The following GXYLT2 variants were observed in gnomAD, a reference collection of about 807,000 sequenced individuals.
The protein encoded by GXYLT2 is glucoside xylosyltransferase 2, also known as glycosyltransferase 8 domain containing 4.
GXYLT2 carries 53 observed loss-of-function variants against 45.8 expected under a neutral mutation model. The ratio of observed to expected loss-of-function variants is 1.16; its 90% CI spans 0.93 to 1.46. GXYLT2 has a LOEUF of 1.46. Among genes scored for constraint, GXYLT2 ranks in the 40% most tolerant of loss-of-function variants. GXYLT2 has a pLI of 0.00. For synonymous variants in GXYLT2, 219 were observed against 214.2 expected, an observed-to-expected ratio of 1.02 and a Z score of -0.19; for missense variants, 551 against 544.4, an observed-to-expected ratio of 1.01 and a Z score of -0.12.
At chr3:72,949,878 C>A (rs1210165714) in intron 3 of GXYLT2, among the ~76,000 whole-genome samples, 3 of 152,126 alleles carry the variant, frequency 2.0e-5, no homozygotes, top group Non-Finnish European at 4.4e-5. Context: ...GTCAGGAAAC[C>A]TAGCCCTCAT....
chr3:72,944,732 A>T (rs769984555), intron 3 of GXYLT2, among the ~76,000 whole-genome samples: 5 of 152,012 alleles, frequency 3.3e-5, no homozygotes, highest in Non-Finnish European at 7.4e-5. Flanking sequence ...TCTGAAATTC[A>T]CTTCTGCTTG....
intron 1 of GXYLT2, among the ~76,000 whole-genome samples, 162 bp downstream of exon 1, chr3:72,888,670 C>CT (rs918984237): frequency 2.6e-5 from 4 of 152,142 alleles, no homozygotes; most frequent in African/African-American, 9.7e-5. Flanking sequence ...GAAGACCCAC[C>CT]TTGGTGGAGT....
At chr3:72,950,753 C>T (rs6807538) in intron 3 of GXYLT2, among the ~76,000 whole-genome samples, 35,381 of 152,120 alleles carry the variant, frequency 0.23, 4,715 homozygotes, top group South Asian at 0.37. Flanking sequence ...TACTGTCAAA[C>T]TCAGACTAGA....
At chr3:72,933,961 A>C (rs1710128521) in intron 3 of GXYLT2, among the ~76,000 whole-genome samples, 1 of 152,202 alleles carries the variant, frequency 6.6e-6, no homozygotes. Context: ...TCTCAGAATG[A>C]AAGAGGAGCT....
At chr3:72,894,226 A>C (rs1345213666) in intron 1 of GXYLT2, among the ~76,000 whole-genome samples, 2 of 152,216 alleles carry the variant, frequency 1.3e-5, no homozygotes, top group Non-Finnish European at 2.9e-5. Context: ...GAATCAAGGC[A>C]TCCTGAGGTC....
chr3:72,930,592 C>CTTTTTTTT lies in GXYLT2; in HGVS notation c.600+8269_600+8276dup, dbSNP rs71126806. On this transcript the variant is annotated intron_variant, in intron 3 of 6. Coordinates refer to ENST00000389617, the MANE Select transcript of GXYLT2 (RefSeq NM_001080393.2). The stretch of plus-strand genomic sequence containing the variant: ...TTTTCTTTTTCTTTTTCTTCTTCTT[C>CTTTTTTTT]TTTTTTTTTTTTTTTTTTTGACACA... Among the ~76,000 whole-genome samples, 58 of 101,598 alleles carry CTTTTTTTT rather than the reference C, an allele frequency of 5.7e-4. 1 individual carries two copies. The highest frequency in any genetic ancestry group is 1.3e-3 in the East Asian group (4 of 3,112). The allele number at this position is 101,598 out of a possible 152,430, so 66.7% of individuals were successfully genotyped here. A position where few individuals can be genotyped will look rare whatever the true frequency, so the allele number is the denominator to read the frequency against.
At chr3:72,892,378 T>C (rs962429020) in intron 1 of GXYLT2, among the ~76,000 whole-genome samples, 1 of 152,228 alleles carries the variant, frequency 6.6e-6, no homozygotes, top group African/African-American at 2.4e-5. Context: ...TATTGTTGTT[T>C]CTCTTAAAAT....
intron 2 of GXYLT2, among the ~76,000 whole-genome samples, chr3:72,920,854 C>T (rs896680006): frequency 9.4e-5 from 14 of 148,276 alleles, no homozygotes; most frequent in African/African-American, 2.8e-4. Context: ...TCACTCTGTC[C>T]GTCAGACTGG....
chr3:72,967,911 T>C (rs962693474), intron 6 of GXYLT2, among the ~76,000 whole-genome samples, 192 bp downstream of exon 6: 1 of 152,204 alleles, frequency 6.6e-6, no homozygotes, highest in African/African-American at 2.4e-5. Context: ...ACTTGACTTA[T>C]TTCCACGTAC....
At chr3:72,907,860 A>G (rs1204212272) in intron 1 of GXYLT2, among the ~76,000 whole-genome samples, 2 of 152,174 alleles carry the variant, frequency 1.3e-5, no homozygotes, top group Non-Finnish European at 2.9e-5. Flanking sequence ...CCAGACTTGC[A>G]TGACTTGCTT....
At chr3:72,968,328 A>G (rs1710908762) in intron 6 of GXYLT2, among the ~76,000 whole-genome samples, 1 of 152,208 alleles carries the variant, frequency 6.6e-6, no homozygotes, top group African/African-American at 2.4e-5. Flanking sequence ...GTGTAAGGTA[A>G]CACATAGGAT....
At chr3:72,894,467 C>T (rs1709244777) in intron 1 of GXYLT2, among the ~76,000 whole-genome samples, 2 of 152,196 alleles carry the variant, frequency 1.3e-5, no homozygotes, top group Admixed American at 6.5e-5. Flanking sequence ...GAGGTAGGTT[C>T]CTGAGCAAAA....
chr3:72,966,975 C>T (rs1710878240), intron 5 of GXYLT2, among the ~76,000 whole-genome samples: 1 of 152,006 alleles, frequency 6.6e-6, no homozygotes, highest in Non-Finnish European at 1.5e-5. Flanking sequence ...TGCTATGTTG[C>T]CCAAGCTGTT....
chr3:72,970,739 G>A (rs1296895697), intron 6 of GXYLT2, among the ~76,000 whole-genome samples: 1 of 151,992 alleles, frequency 6.6e-6, no homozygotes, highest in African/African-American at 2.4e-5. Context: ...GCGCATGCCT[G>A]TAATCCCAGC....
intron 1 of GXYLT2, among the ~76,000 whole-genome samples, chr3:72,896,404 C>T (rs1396675042): frequency 6.6e-6 from 1 of 151,680 alleles, no homozygotes; most frequent in Non-Finnish European, 1.5e-5. Context: ...GTGAGACACC[C>T]ATCTCTATTT....
chr3:72,890,703 G>A (rs1272714187), intron 1 of GXYLT2, among the ~76,000 whole-genome samples: 1 of 152,226 alleles, frequency 6.6e-6, no homozygotes, highest in Non-Finnish European at 1.5e-5. Flanking sequence ...GTGTCTATCT[G>A]AACAAAGTGT....
intron 3 of GXYLT2, among the ~76,000 whole-genome samples, chr3:72,953,557 T>C (rs1710567042): frequency 6.6e-6 from 1 of 152,180 alleles, no homozygotes; most frequent in Non-Finnish European, 1.5e-5. Context: ...CCCAAAGTGC[T>C]AGGATTGAAA....
chr3:72,895,771 G>GT (rs1470100650), intron 1 of GXYLT2, among the ~76,000 whole-genome samples: 2 of 152,172 alleles, frequency 1.3e-5, no homozygotes, highest in Non-Finnish European at 2.9e-5. Flanking sequence ...GGAAAAAGAA[G>GT]TTTTTTGACA....
Position 72,910,697 on chromosome 3 carries a change from C to T in GXYLT2, c.468+2138C>T, listed in dbSNP as rs114193697. Among the ~76,000 whole-genome samples the T allele has an allele frequency of 6.0e-3, 907 of 152,286 alleles. 10 individuals are homozygous for T. Among genetic ancestry groups the T allele is most frequent in the African/African-American group, 0.021 (860 of 41,546 alleles). ...GCCAGAGCATTTGACATCTGTAGTT[C>T]GTGGGATGCCATGGCAGGAAAGAGA... On this transcript the variant is annotated intron_variant, in intron 2 of 6. Coordinates refer to ENST00000389617, the MANE Select transcript of GXYLT2 (RefSeq NM_001080393.2).
Sources: allele counts gnomAD v4.1 joint callset (sites outside exome capture counted in the v4.1 genomes callset), GRCh38; gene constraint gnomAD v4.1.1; transcripts MANE v1.5; gene names NCBI Gene and HGNC (gene_info 2026-07-23, HGNC 2026-07-21).